Variants in ANKRD31 observed in about 807,000 individuals in gnomAD.
ANKRD31 encodes the protein ankyrin repeat domain 31.
Under a neutral mutation model 186.0 loss-of-function variants are expected in ANKRD31, and 147 were observed. The ratio of observed to expected loss-of-function variants is 0.79; its 90% CI spans 0.69 to 0.91. The LOEUF is 0.91. Among genes scored for constraint, ANKRD31 ranks in the 40% least tolerant of loss-of-function variants. ANKRD31 has a pLI of 0.00. For missense variants in ANKRD31, 1,986 were observed against 2,148.8 expected (o/e 0.92, Z 1.50); for synonymous variants, 673 against 736.4 (o/e 0.91, Z 1.39).
At chr5:75,176,349 CTTAA>C (rs1753797502) in intron 10 of ANKRD31, among the ~76,000 whole-genome samples, 1 of 152,210 alleles carries the variant, frequency 6.6e-6, no homozygotes, top group South Asian at 2.1e-4. Context: ...CCTCTGCAGA[CTTAA>C]ATGTCCCTGT....
chr5:75,138,361 C>A lies in ANKRD31; in HGVS notation c.3734-363G>T, dbSNP rs532123598. On this transcript the variant is annotated intron_variant, in intron 16 of 25. Coordinates refer to ENST00000506364, the MANE Select transcript of ANKRD31 (RefSeq NM_001372053.1). ...GCCACATTTCTCTTTAAAATGACAC[C>A]TGGTTTAATTAACCTTTGAGTTTTT... is the stretch of plus-strand genomic sequence containing the variant. Among the ~76,000 whole-genome samples, 160 of 152,244 alleles carry A rather than the reference C, an allele frequency of 1.1e-3. 7 individuals carry two copies. In the South Asian group the frequency reaches 0.032, roughly 31 times the overall value.
intron 11 of ANKRD31, among the ~76,000 whole-genome samples, chr5:75,167,179 T>C (rs1752988300): frequency 6.6e-6 from 1 of 152,182 alleles, no homozygotes; most frequent in South Asian, 2.1e-4. Flanking sequence ...TGTGGATTTT[T>C]TTTTTTTACT....
intron 5 of ANKRD31, among the ~76,000 whole-genome samples, chr5:75,206,031 G>A (rs1377594961): frequency 1.3e-5 from 2 of 150,930 alleles, no homozygotes; most frequent in Middle Eastern, 3.2e-3. Flanking sequence ...ACTCCCATAG[G>A]TAATTCTATG....
intron 22 of ANKRD31, among the ~76,000 whole-genome samples, chr5:75,102,312 G>GC (rs1746961525): frequency 6.6e-6 from 1 of 152,142 alleles, no homozygotes; most frequent in African/African-American, 2.4e-5. Flanking sequence ...TCAGAGGGGC[G>GC]CCCAGCAGTA....
chr5:75,141,565 A>G (rs909812546), intron 15 of ANKRD31, among the ~76,000 whole-genome samples: 2 of 151,956 alleles, frequency 1.3e-5, no homozygotes, highest in Non-Finnish European at 2.9e-5. Context: ...AAAAATTTAA[A>G]AATTAGCAGG....
chr5:75,068,677 G>A lies in ANKRD31; in HGVS notation c.5648-13C>T. 3 of 1,462,580 alleles carry A rather than the reference G, an allele frequency of 2.1e-6. No individual in the cohort carries two copies. The highest frequency in any genetic ancestry group is 1.4e-5 in the South Asian group (1 of 70,480). The allele number at this position is 1,462,580 out of a possible 1,614,324, so 90.6% of individuals were successfully genotyped here. The stretch of plus-strand genomic sequence containing the variant: ...TCTCTGGAAGTTCCTGTTTAAAGAA[G>A]TATCAACAAATTAAAAACTGCCCTC... On this transcript the variant is annotated splice_polypyrimidine_tract_variant and intron_variant, in intron 25 of 25. Transcript: ENST00000506364.
At chr5:75,107,099 C>G (rs897145049) in intron 21 of ANKRD31, among the ~76,000 whole-genome samples, 1 of 151,768 alleles carries the variant, frequency 6.6e-6, no homozygotes, top group African/African-American at 2.4e-5. Context: ...TCTTTAAGGA[C>G]CTTGAGATTT....
chr5:75,108,295 A>C (rs1747495486), intron 20 of ANKRD31, among the ~76,000 whole-genome samples: 1 of 152,028 alleles, frequency 6.6e-6, no homozygotes, highest in Non-Finnish European at 1.5e-5. Context: ...ATGATACCTA[A>C]GGTCACCTAT....
At chr5:75,212,992 C>A (rs751501949) in intron 3 of ANKRD31, among the ~76,000 whole-genome samples, 4 of 152,028 alleles carry the variant, frequency 2.6e-5, no homozygotes, top group Non-Finnish European at 4.4e-5. Flanking sequence ...GAACAACATG[C>A]AAATCATATC....
At chr5:75,131,237 G>C (rs1030357831) in intron 17 of ANKRD31, among the ~76,000 whole-genome samples, 37 of 152,332 alleles carry the variant, frequency 2.4e-4, no homozygotes, top group African/African-American at 8.4e-4. Flanking sequence ...ACAGTGCAAC[G>C]GCAGGCTGAA....
intron 19 of ANKRD31, among the ~76,000 whole-genome samples, chr5:75,115,149 C>A (rs527975992): frequency 4.0e-4 from 60 of 150,730 alleles, no homozygotes; most frequent in African/African-American, 1.3e-3. Flanking sequence ...GAAAAACAAG[C>A]AATGGGGAAA....
intron 9 of ANKRD31, among the ~76,000 whole-genome samples, chr5:75,191,179 A>C (rs1038779373): frequency 3.9e-5 from 6 of 152,140 alleles, no homozygotes; most frequent in Admixed American, 2.0e-4. Context: ...TCTGAAATTA[A>C]AGTTAGTGTA....
At chr5:75,084,242 A>G in intron 24 of ANKRD31, 30 bp downstream of exon 24, 1 of 1,480,152 alleles carries the variant, frequency 6.8e-7, no homozygotes, top group Non-Finnish European at 9.1e-7. Context: ...TTATCCCACA[A>G]CGAAGAAATG....
chr5:75,140,990 A>C lies in ANKRD31; in HGVS notation c.3596-2007T>G, dbSNP rs192462203. ...GAAAGTATGAGACAATAAGTGTGTA[A>C]TAGAGACAACTACTGAATCAGATTC... On this transcript the variant is annotated intron_variant, in intron 15 of 25. Coordinates refer to ENST00000506364, the MANE Select transcript of ANKRD31 (RefSeq NM_001372053.1). 7.9e-5 allele frequency among the ~76,000 whole-genome samples: 12 copies of C among 152,286 alleles called. No individual in the cohort carries two copies. The South Asian group carries it at 1.0e-3, about 13-fold the overall frequency.
chr5:75,133,536 A>G (rs1750062278), intron 17 of ANKRD31, among the ~76,000 whole-genome samples: 1 of 152,222 alleles, frequency 6.6e-6, no homozygotes, highest in Admixed American at 6.5e-5. Context: ...TGTACTACAA[A>G]GAGACTTAGA....
At chr5:75,198,855 T>C (rs947792032) in intron 6 of ANKRD31, among the ~76,000 whole-genome samples, 1 of 152,162 alleles carries the variant, frequency 6.6e-6, no homozygotes, top group Non-Finnish European at 1.5e-5. Flanking sequence ...GCTGCCCCTA[T>C]CTTACAGATA....
At chr5:75,225,836 T>C (rs1053444829) in intron 2 of ANKRD31, among the ~76,000 whole-genome samples, 8 of 152,138 alleles carry the variant, frequency 5.3e-5, no homozygotes, top group Non-Finnish European at 1.0e-4. Flanking sequence ...TCAGCCACAA[T>C]GGGTAGAGCA....
At chr5:75,140,918 A>G (rs1751003505) in intron 15 of ANKRD31, among the ~76,000 whole-genome samples, 1 of 152,182 alleles carries the variant, frequency 6.6e-6, no homozygotes, top group African/African-American at 2.4e-5. Flanking sequence ...CCTACGAACA[A>G]TTCTGTTAGA....
At position 75,196,536 on chromosome 5, in the gene ANKRD31, C is replaced by T. The variant is rs190352754; in HGVS notation, c.448-336G>A. ...GGATAGTTAAATTAACAGATGATCCCAAAGCTTCATAGCCATTAATGGTTA... is the reference window on the plus strand; with the variant it reads ...GGATAGTTAAATTAACAGATGATCCTAAAGCTTCATAGCCATTAATGGTTA... On this transcript the variant is annotated intron_variant, in intron 6 of 25. Transcript: ENST00000506364. Among the ~76,000 whole-genome samples the T allele has an allele frequency of 7.9e-5, 12 of 152,254 alleles. No individual in the cohort carries two copies. In the East Asian group the frequency reaches 1.9e-3, roughly 24 times the overall value.
Sources: allele counts gnomAD v4.1 joint callset (sites outside exome capture counted in the v4.1 genomes callset), GRCh38; gene constraint gnomAD v4.1.1; transcripts MANE v1.5; gene names NCBI Gene and HGNC (gene_info 2026-07-23, HGNC 2026-07-21).